RFFL: variants seen among roughly 807,000 people sequenced by gnomAD.
RFFL encodes the protein ring finger and FYVE like domain containing E3 ubiquitin protein ligase.
RFFL carries 16 observed loss-of-function variants against 40.4 expected under a neutral mutation model. That is an observed-to-expected ratio of 0.40 (90% CI 0.27 to 0.60). The LOEUF is 0.60. RFFL is among the 20% of genes least tolerant of loss of function. The pLI is 0.47. For missense variants in RFFL, 367 were observed against 451.7 expected, an observed-to-expected ratio of 0.81 and a Z score of 1.70; for synonymous variants, 154 against 167.9, an observed-to-expected ratio of 0.92 and a Z score of 0.64.
chr17:35,013,375 C>G (rs1416754706), intron 6 of RFFL, among the ~76,000 whole-genome samples: 1 of 152,212 alleles, frequency 6.6e-6, no homozygotes, highest in Non-Finnish European at 1.5e-5. Flanking sequence ...TGACCAGTAT[C>G]CTAGTAGAGC....
chr17:35,032,080 G>C (rs543631001), intron 1 of RFFL, among the ~76,000 whole-genome samples: 1 of 145,436 alleles, frequency 6.9e-6, no homozygotes, highest in Non-Finnish European at 1.5e-5. Flanking sequence ...GGGCGACAGA[G>C]CGAGACTCCG....
chr17:35,066,794 G>A (rs565267399), upstream of RFFL, among the ~76,000 whole-genome samples: 5 of 151,896 alleles, frequency 3.3e-5, no homozygotes, highest in African/African-American at 1.2e-4. Context: ...CACATTTCCA[G>A]GAATCAGTGC....
chr17:35,070,418 C>T (rs1049332968), intron 1 of RFFL, among the ~76,000 whole-genome samples: 3 of 152,156 alleles, frequency 2.0e-5, no homozygotes, highest in Non-Finnish European at 4.4e-5. Context: ...AATCCGCCTG[C>T]CTCAACCTCC....
At chr17:35,061,591 G>A (rs1057278632) in intron 1 of RFFL, among the ~76,000 whole-genome samples, 53 of 151,454 alleles carry the variant, frequency 3.5e-4, no homozygotes, top group Non-Finnish European at 2.9e-4. Context: ...CTGGGTAGCT[G>A]GTACCACAGG....
chr17:35,071,070 T>A (rs2091346539), intron 1 of RFFL, among the ~76,000 whole-genome samples: 1 of 151,428 alleles, frequency 6.6e-6, no homozygotes, highest in African/African-American at 2.4e-5. Flanking sequence ...TGGTGGCACA[T>A]GCCTGTAGTC....
rs994901053 is a variant in RFFL at position 35,009,213 on chromosome 17, A to G, written c.*2755T>C. 1 of 152,658 alleles carries G rather than the reference A, an allele frequency of 6.6e-6. No individual in the cohort carries two copies. The highest frequency in any genetic ancestry group is 1.5e-5 in the Non-Finnish European group (1 of 68,030). The allele number at this position is 152,658 out of a possible 1,614,324, so 9.5% of individuals were successfully genotyped here. A position where few individuals can be genotyped will look rare whatever the true frequency, so the allele number is the denominator to read the frequency against. On this transcript the variant is annotated 3_prime_UTR_variant, in exon 7 of 7. Coordinates refer to ENST00000394597, the MANE Select transcript of RFFL (RefSeq NM_001017368.2). ...TTAACCTCCAAGTAAGTCTGAGAAA[A>G]TCTTAATAAAAGCCACTTGAAGTAA...
chr17:35,007,338 A>G lies in RFFL; in HGVS notation c.*4630T>C, dbSNP rs1430193812. 6.6e-6 allele frequency: 1 copy of G among 152,090 alleles called. No individual in the cohort carries two copies. Among genetic ancestry groups the G allele is most frequent in the African/African-American group, 2.4e-5 (1 of 41,388 alleles). 9.4% of individuals were successfully genotyped at this position (152,090 alleles called of 1,614,324 possible). On this transcript the variant is annotated 3_prime_UTR_variant, in exon 7 of 7. Coordinates refer to ENST00000394597, the MANE Select transcript of RFFL (RefSeq NM_001017368.2). ...TTCCAGTCTTTGCTGCTGAGATCTG[A>G]CTGTATATACTATTTTGTATCCTTT...
rs2090896373 is a variant in RFFL at position 35,006,525 on chromosome 17, C to T, written c.*5443G>A. The T allele has an allele frequency of 6.6e-6, 1 of 152,230 alleles. No homozygotes were observed. The highest frequency in any genetic ancestry group is 2.4e-5 in the African/African-American group (1 of 41,436). The allele number at this position is 152,230 out of a possible 1,614,324, so 9.4% of individuals were successfully genotyped here. A position where few individuals can be genotyped will look rare whatever the true frequency, so the allele number is the denominator to read the frequency against. On this transcript the variant is annotated 3_prime_UTR_variant, in exon 7 of 7. Coordinates refer to ENST00000394597, the MANE Select transcript of RFFL (RefSeq NM_001017368.2). ...ATTATGTAAAGCACTTAGCCCAGAGCCTAGCACATAGTTATCTAGAGTTGG... is the reference window on the plus strand; with the variant it reads ...ATTATGTAAAGCACTTAGCCCAGAGTCTAGCACATAGTTATCTAGAGTTGG...
intron 1 of RFFL, among the ~76,000 whole-genome samples, chr17:35,078,350 T>C (rs993192088): frequency 1.3e-5 from 2 of 152,236 alleles, no homozygotes; most frequent in Non-Finnish European, 2.9e-5. Flanking sequence ...TTGTCCACAC[T>C]AGAGTACAGT....
At chr17:35,017,705 C>A in intron 3 of RFFL, 99 bp from the exon 4 acceptor site, 1 of 794,702 alleles carries the variant, frequency 1.3e-6, no homozygotes, top group Non-Finnish European at 2.1e-6. Context: ...AATGTACTCC[C>A]ATCATGCCCA....
intron 1 of RFFL, among the ~76,000 whole-genome samples, chr17:35,047,187 A>ATT (rs1034467820): frequency 6.6e-6 from 1 of 151,708 alleles, no homozygotes; most frequent in African/African-American, 2.4e-5. Flanking sequence ...GGTAACCAGG[A>ATT]TTTTTTTTTA....
chr17:35,080,731 AAGAC>A (rs2091399728), intron 1 of RFFL, among the ~76,000 whole-genome samples: 1 of 152,160 alleles, frequency 6.6e-6, no homozygotes, highest in Non-Finnish European at 1.5e-5. Context: ...AAAAAGGACC[AAGAC>A]AGTTAAAATG....
intron 1 of RFFL, among the ~76,000 whole-genome samples, chr17:35,043,004 G>A (rs2091176466): frequency 6.6e-6 from 1 of 152,050 alleles, no homozygotes; most frequent in Admixed American, 6.6e-5. Context: ...CTCAGGGGAG[G>A]AAAACATTTC....
chr17:35,059,474 G>A (rs2091280043), intron 1 of RFFL, among the ~76,000 whole-genome samples: 1 of 152,126 alleles, frequency 6.6e-6, no homozygotes, highest in Non-Finnish European at 1.5e-5. Context: ...AAAAAAATAT[G>A]TCCTCCTTTC....
chr17:35,014,344 A>G (rs1435087899), intron 6 of RFFL, among the ~76,000 whole-genome samples: 1 of 152,164 alleles, frequency 6.6e-6, no homozygotes, highest in East Asian at 1.9e-4. Flanking sequence ...AGAAGCTGCT[A>G]AACACCCTGA....
intron 1 of RFFL, among the ~76,000 whole-genome samples, chr17:35,031,034 C>T (rs2091079493): frequency 1.3e-5 from 2 of 151,992 alleles, no homozygotes; most frequent in Non-Finnish European, 2.9e-5. Context: ...ACCTAATAAA[C>T]CTACAGATTT....
intron 2 of RFFL, among the ~76,000 whole-genome samples, chr17:35,024,766 CT>C (rs1195037426): frequency 6.6e-6 from 1 of 152,224 alleles, no homozygotes; most frequent in Non-Finnish European, 1.5e-5. Flanking sequence ...TTGAAAGCCC[CT>C]GGGTGTTAAA....
intron 1 of RFFL, among the ~76,000 whole-genome samples, chr17:35,071,930 G>A (rs925570016): frequency 9.2e-5 from 14 of 152,040 alleles, no homozygotes; most frequent in Admixed American, 6.6e-5. Flanking sequence ...GACACTAAGT[G>A]AAAAATGCCG....
intron 5 of RFFL, among the ~76,000 whole-genome samples, chr17:35,015,627 T>A (rs1280244374): frequency 6.6e-6 from 1 of 152,140 alleles, no homozygotes; most frequent in Non-Finnish European, 1.5e-5. Flanking sequence ...CTTCAACCAC[T>A]CTTACCAAGC....
Sources: gnomAD v4.1 joint callset for allele counts (sites outside exome capture counted in the v4.1 genomes callset) on GRCh38, gnomAD v4.1.1 for gene constraint, MANE v1.5 for transcripts, NCBI Gene and HGNC (gene_info 2026-07-23, HGNC 2026-07-21) for gene names.